The following JHY variants were observed in gnomAD, a reference collection of about 807,000 sequenced individuals.
JHY encodes junctional cadherin complex regulator, also known as jhy protein homolog.
In JHY, 69 loss-of-function variants were observed where a neutral mutation model predicts 78.0. The observed-to-expected ratio is 0.88, with a 90% confidence interval of 0.73 to 1.08. The LOEUF (loss-of-function observed/expected upper bound fraction) is 1.08, where lower values mean the gene tolerates loss of function less well. JHY is among the 50% of genes least tolerant of loss of function. JHY has a pLI of 0.00. For synonymous variants in JHY, 368 were observed against 342.6 expected (o/e 1.07, Z -0.82); for missense variants, 944 against 927.8 (o/e 1.02, Z -0.23).
chr11:122,886,097 G>GTTCT lies in JHY; in HGVS notation c.248_249insTTCT (p.Leu85LysfsTer31), dbSNP rs1565302599. 6.2e-7 allele frequency: 1 copy of GTTCT among 1,614,164 alleles called. No individual in the cohort carries two copies. On this transcript the variant is annotated frameshift_variant, in exon 2 of 9. Coordinates refer to ENST00000227349, the MANE Select transcript of JHY (RefSeq NM_024806.4). LOFTEE classifies it high-confidence loss of function. ...GACGAGGAGGAAAGCCCTCGATGGG[G>GTTCT]AAGCCTGCACGAGATGGAAGAGGAA... is the stretch of plus-strand genomic sequence containing the variant.
chr11:122,953,285 T>C (rs535320851), intron 6 of JHY, among the ~76,000 whole-genome samples: 1 of 152,178 alleles, frequency 6.6e-6, no homozygotes, highest in Admixed American at 6.5e-5. Flanking sequence ...AAAAATGTAC[T>C]ATAGTACTAA....
chr11:122,900,423 G>A (rs1862826071), intron 2 of JHY, among the ~76,000 whole-genome samples: 3 of 150,584 alleles, frequency 2.0e-5, no homozygotes, highest in Admixed American at 1.3e-4. Context: ...TTGATTAGAG[G>A]GTTGCATCTA....
Position 122,959,314 on chromosome 11 carries a change from G to A in JHY, c.2206G>A (p.Glu736Lys). ...PSNLTHQASK[E>K]QKNPTYAGKE... Reference sequence around the variant, plus strand: ...AAATCTGACTCATCAAGCATCAAAGGAACAAAAAAATCCAACCTATGCTGG... The same window carrying A: ...AAATCTGACTCATCAAGCATCAAAGAAACAAAAAAATCCAACCTATGCTGG... Residue 736 changes from glutamate (E) to lysine (K), a missense_variant, in exon 9 of 9, where the codon GAA becomes AAA. Physicochemically the swap from Glu to Lys is moderately conservative, Grantham distance 56. Transcript: ENST00000227349. 1.2e-6 allele frequency: 2 copies of A among 1,613,950 alleles called. No individual in the cohort carries two copies. Among genetic ancestry groups the A allele is most frequent in the South Asian group, 1.1e-5 (1 of 91,060 alleles).
rs1038238693 is a variant in JHY at position 122,959,304 on chromosome 11, A to G, written c.2196A>G (p.Gln732=). ...CCAAACCATCAAATCTGACTCATCA[A>G]GCATCAAAGGAACAAAAAAATCCAA... is the stretch of plus-strand genomic sequence containing the variant. The part of the protein sequence containing the change: ...PKPKPSNLTH[Q]ASKEQKNPTY... The change falls in exon 9 of 9, where the codon CAA becomes CAG. Residue 732 remains glutamine (Q), a synonymous_variant. Coordinates refer to ENST00000227349, the MANE Select transcript of JHY (RefSeq NM_024806.4). 2 of 1,614,214 alleles carry G rather than the reference A, an allele frequency of 1.2e-6. No individual in the cohort carries two copies. The highest frequency in any genetic ancestry group is 4.5e-5 in the East Asian group (2 of 44,880).
chr11:122,926,500 T>C (rs1863510456), intron 4 of JHY, among the ~76,000 whole-genome samples: 1 of 151,908 alleles, frequency 6.6e-6, no homozygotes, highest in South Asian at 2.1e-4. Flanking sequence ...CTCTTAAGAG[T>C]TGCAAAAAAA....
chr11:122,887,202 G>T (rs749953252), intron 2 of JHY, among the ~76,000 whole-genome samples: 2 of 152,176 alleles, frequency 1.3e-5, no homozygotes, highest in African/African-American at 2.4e-5. Context: ...CTGTGCCTCA[G>T]TTTCTTCATC....
At chr11:122,937,354 A>G (rs763231875) in intron 5 of JHY, among the ~76,000 whole-genome samples, 3 of 151,016 alleles carry the variant, frequency 2.0e-5, no homozygotes, top group Non-Finnish European at 2.9e-5. Context: ...GCCTTTTAGT[A>G]TAAGTTTCCA....
intron 6 of JHY, among the ~76,000 whole-genome samples, chr11:122,955,003 A>G (rs2135382269): frequency 6.6e-6 from 1 of 152,286 alleles, no homozygotes. Context: ...CACCTCTTTT[A>G]TATCGTCTTT....
chr11:122,899,897 C>T (rs1862813792), intron 2 of JHY, among the ~76,000 whole-genome samples: 1 of 152,218 alleles, frequency 6.6e-6, no homozygotes, highest in Non-Finnish European at 1.5e-5. Flanking sequence ...CAGGTCTGTG[C>T]CCTGCCGGAC....
intron 6 of JHY, among the ~76,000 whole-genome samples, chr11:122,954,824 T>TGGA (rs1864157460): frequency 6.6e-6 from 1 of 151,834 alleles, no homozygotes; most frequent in African/African-American, 2.4e-5. Flanking sequence ...ATTTTTAAAA[T>TGGA]TAACAGGAGA....
At chr11:122,954,226 G>C (rs1014560251) in intron 6 of JHY, among the ~76,000 whole-genome samples, 12 of 152,150 alleles carry the variant, frequency 7.9e-5, no homozygotes, top group Non-Finnish European at 1.6e-4. Context: ...CCAGCTCCAG[G>C]AATCACATCC....
intron 3 of JHY, chr11:122,905,290 G>C: frequency 6.2e-7 from 1 of 1,611,750 alleles, no homozygotes; most frequent in Non-Finnish European, 8.5e-7. Context: ...CTATGGACAT[G>C]TCCAGGGATA....
At chr11:122,925,265 AC>A (rs775608822) in intron 4 of JHY, among the ~76,000 whole-genome samples, 18 of 152,272 alleles carry the variant, frequency 1.2e-4, no homozygotes, top group Non-Finnish European at 2.2e-4. Context: ...CTGAGTTAGA[AC>A]CCCACACAGA....
At position 122,963,803 on chromosome 11, in the gene JHY, A is replaced by G. The variant is rs770794254; in HGVS notation, c.*4358A>G. The stretch of plus-strand genomic sequence containing the variant: ...GATGTTATATACATGCCATTGAAAG[A>G]CATAGTACCTAATCTGCCTAATGTC... On this transcript the variant is annotated 3_prime_UTR_variant, in exon 9 of 9. Coordinates refer to ENST00000227349, the MANE Select transcript of JHY (RefSeq NM_024806.4). 1.2e-4 allele frequency among the ~76,000 whole-genome samples: 19 copies of G among 152,218 alleles called. No homozygotes were observed. The highest frequency in any genetic ancestry group is 8.3e-4 in the South Asian group (4 of 4,830).
chr11:122,951,883 A>G (rs1045609756), intron 6 of JHY, among the ~76,000 whole-genome samples: 1 of 152,132 alleles, frequency 6.6e-6, no homozygotes, highest in Non-Finnish European at 1.5e-5. Flanking sequence ...CATCTTATAC[A>G]AAGACTAGCA....
At chr11:122,932,366 T>C (rs1863653786) in intron 4 of JHY, among the ~76,000 whole-genome samples, 1 of 152,208 alleles carries the variant, frequency 6.6e-6, no homozygotes, top group African/African-American at 2.4e-5. Context: ...GATGAGTCCT[T>C]GGCCTTGTTG....
chr11:122,959,506 G>GAAACA lies in JHY; in HGVS notation c.*61_*62insAAACA. ...AGGAATGAACGTGGAGAAAAGAAACGCCAACCACCTTCTCTGCGTTGAGAG... is the reference window on the plus strand; with the variant it reads ...AGGAATGAACGTGGAGAAAAGAAACGAAACACCAACCACCTTCTCTGCGTTGAGAG... On this transcript the variant is annotated 3_prime_UTR_variant, in exon 9 of 9. Coordinates refer to ENST00000227349, the MANE Select transcript of JHY (RefSeq NM_024806.4). 3 of 1,482,456 alleles carry GAAACA rather than the reference G, an allele frequency of 2.0e-6. No homozygotes were observed. Among genetic ancestry groups the GAAACA allele is most frequent in the Non-Finnish European group, 2.8e-6 (3 of 1,072,556 alleles). The allele number at this position is 1,482,456 out of a possible 1,614,324, so 91.8% of individuals were successfully genotyped here.
chr11:122,954,487 A>C (rs750737882), intron 6 of JHY, among the ~76,000 whole-genome samples: 2 of 152,242 alleles, frequency 1.3e-5, no homozygotes, highest in Admixed American at 6.5e-5. Context: ...ACACAAGTTC[A>C]TTTTTAAGAT....
chr11:122,909,851 G>A (rs1035440070), intron 3 of JHY, among the ~76,000 whole-genome samples: 1 of 152,120 alleles, frequency 6.6e-6, no homozygotes, highest in Non-Finnish European at 1.5e-5. Flanking sequence ...CCCATAGCAA[G>A]TATATAGGTA....
Sources: allele counts gnomAD v4.1 joint callset (sites outside exome capture counted in the v4.1 genomes callset), GRCh38; gene constraint gnomAD v4.1.1; transcripts MANE v1.5; gene names NCBI Gene and HGNC (gene_info 2026-07-23, HGNC 2026-07-21).